GRIN2B: variants seen among roughly 807,000 people sequenced by gnomAD.
The protein encoded by GRIN2B is glutamate receptor ionotropic, NMDA 2B.
Under a neutral mutation model 114.5 loss-of-function variants are expected in GRIN2B, and 5 were observed. The ratio of observed to expected loss-of-function variants is 0.04; its 90% CI spans 0.02 to 0.09. GRIN2B has a LOEUF of 0.09. GRIN2B is among the 10% of genes least tolerant of loss of function. The pLI is 1.00. For missense variants in GRIN2B, 1,108 were observed against 1,943.5 expected, an observed-to-expected ratio of 0.57 and a Z score of 8.08; for synonymous variants, 787 against 745.1, an observed-to-expected ratio of 1.06 and a Z score of -0.92.
At chr12:13,898,379 T>C (rs564707841) in intron 2 of GRIN2B, among the ~76,000 whole-genome samples, 8 of 152,230 alleles carry the variant, frequency 5.3e-5, no homozygotes, top group Non-Finnish European at 1.0e-4. Flanking sequence ...CAGAGACAAG[T>C]TACTAGCCAA....
chr12:13,682,619 A>G (rs1950141620), intron 4 of GRIN2B, among the ~76,000 whole-genome samples: 1 of 152,212 alleles, frequency 6.6e-6, no homozygotes, highest in South Asian at 2.1e-4. Context: ...GATATATTAA[A>G]GTATCTTAAA....
chr12:13,574,625 T>C (rs1211041018), intron 10 of GRIN2B, among the ~76,000 whole-genome samples: 1 of 152,256 alleles, frequency 6.6e-6, no homozygotes, highest in Middle Eastern at 3.2e-3. Context: ...AGGGCCTCAC[T>C]TCCTGATGAA....
intron 2 of GRIN2B, among the ~76,000 whole-genome samples, chr12:13,900,032 G>A (rs994159543): frequency 6.6e-6 from 1 of 152,116 alleles, no homozygotes; most frequent in Non-Finnish European, 1.5e-5. Flanking sequence ...ATCTTAGGAT[G>A]ATCTTTCTCT....
chr12:13,578,223 G>A (rs1948803366), intron 10 of GRIN2B, among the ~76,000 whole-genome samples: 1 of 152,160 alleles, frequency 6.6e-6, no homozygotes, highest in African/African-American at 2.4e-5. Context: ...GCCACTCTAT[G>A]ACAAACAGGT....
At chr12:13,719,032 C>T (rs953985329) in intron 4 of GRIN2B, among the ~76,000 whole-genome samples, 1 of 152,002 alleles carries the variant, frequency 6.6e-6, no homozygotes, top group African/African-American at 2.4e-5. Flanking sequence ...ATCCACCCAC[C>T]CACATGCCTG....
intron 5 of GRIN2B, among the ~76,000 whole-genome samples, chr12:13,633,958 G>A (rs1335669375): frequency 6.6e-6 from 1 of 151,946 alleles, no homozygotes; most frequent in Non-Finnish European, 1.5e-5. Flanking sequence ...GGTCACAGCA[G>A]ATAATCCATT....
intron 2 of GRIN2B, among the ~76,000 whole-genome samples, chr12:13,949,914 T>C (rs758860883): frequency 9.9e-5 from 15 of 152,126 alleles, no homozygotes; most frequent in Non-Finnish European, 2.2e-4. Flanking sequence ...ACTGTGATTC[T>C]CCAAAATATA....
intron 5 of GRIN2B, among the ~76,000 whole-genome samples, chr12:13,642,791 C>T (rs772501778): frequency 7.2e-5 from 11 of 152,108 alleles, no homozygotes; most frequent in Non-Finnish European, 1.2e-4. Context: ...TTTCAGAATT[C>T]TCACTTGAAA....
chr12:13,583,078 C>T (rs1948873978), intron 10 of GRIN2B, among the ~76,000 whole-genome samples: 1 of 152,164 alleles, frequency 6.6e-6, no homozygotes, highest in South Asian at 2.1e-4. Context: ...TCATAACCTG[C>T]ACCTTGAGGT....
chr12:13,924,485 G>A (rs1488873238), intron 2 of GRIN2B, among the ~76,000 whole-genome samples: 2 of 152,128 alleles, frequency 1.3e-5, no homozygotes, highest in African/African-American at 2.4e-5. Flanking sequence ...AGGAGCTCTG[G>A]CTTTTGGGAG....
intron 4 of GRIN2B, among the ~76,000 whole-genome samples, chr12:13,740,116 A>G (rs370153150): frequency 6.6e-5 from 10 of 152,326 alleles, no homozygotes; most frequent in African/African-American, 2.2e-4. Context: ...AGTCTCTATC[A>G]GAAAGGATCC....
chr12:13,829,680 G>A (rs1166327791), intron 3 of GRIN2B, among the ~76,000 whole-genome samples: 1 of 152,222 alleles, frequency 6.6e-6, no homozygotes, highest in Non-Finnish European at 1.5e-5. Context: ...TTCTAAGAGG[G>A]TGATGTGGGA....
rs572102567 is a variant in GRIN2B, at chr12:13,867,161, T to C, written c.-18-935A>G. ...AGCTGAAGTAATGTTAGAGCCACAT[T>C]TGAAAAATGTTCCTTTTTTTTTCCT... On this transcript the variant is annotated intron_variant, in intron 2 of 13. Transcript: ENST00000609686. Among the ~76,000 whole-genome samples, 4 of 152,316 alleles carry C rather than the reference T, an allele frequency of 2.6e-5. No individual in the cohort carries two copies. The East Asian group carries it at 7.7e-4, about 29-fold the overall frequency.
chr12:13,945,650 G>A (rs566036329), intron 2 of GRIN2B, among the ~76,000 whole-genome samples: 22 of 152,300 alleles, frequency 1.4e-4, no homozygotes, highest in African/African-American at 5.3e-4. Flanking sequence ...CCTACAGTGA[G>A]ATGGGCTGTA....
At chr12:13,779,808 C>T (rs1335069813) in intron 3 of GRIN2B, among the ~76,000 whole-genome samples, 1 of 152,200 alleles carries the variant, frequency 6.6e-6, no homozygotes, top group Non-Finnish European at 1.5e-5. Flanking sequence ...GCTGCTCAAG[C>T]TCGGGTAAAT....
chr12:13,740,692 C>CACTTTGT (rs1863267435), intron 4 of GRIN2B, among the ~76,000 whole-genome samples: 2 of 152,166 alleles, frequency 1.3e-5, no homozygotes, highest in Admixed American at 1.3e-4. Flanking sequence ...TGAACCTTGG[C>CACTTTGT]AGGTTGTAGA....
At chr12:13,635,957 C>T (rs1375640964) in intron 5 of GRIN2B, among the ~76,000 whole-genome samples, 1 of 152,066 alleles carries the variant, frequency 6.6e-6, no homozygotes, top group Non-Finnish European at 1.5e-5. Context: ...AGTCCCTGCC[C>T]TCCAGAACAT....
At chr12:13,587,344 CTT>C (rs112925422) in intron 10 of GRIN2B, among the ~76,000 whole-genome samples, 12 of 138,944 alleles carry the variant, frequency 8.6e-5, no homozygotes, top group African/African-American at 1.0e-4. Context: ...CTTTTTATTT[CTT>C]TTTTTTTTTT....
At chr12:13,608,501 T>G (rs1476713741) in intron 10 of GRIN2B, 102 bp downstream of exon 10, 2 of 825,188 alleles carry the variant, frequency 2.4e-6, no homozygotes, top group East Asian at 2.6e-5. Flanking sequence ...GAAAGAACGG[T>G]CAATTCCAAA....
Sources: allele counts gnomAD v4.1 joint callset (sites outside exome capture counted in the v4.1 genomes callset), GRCh38; gene constraint gnomAD v4.1.1; transcripts MANE v1.5; gene names NCBI Gene and HGNC (gene_info 2026-07-23, HGNC 2026-07-21).